TAS2R8: variants seen among roughly 807,000 people sequenced by gnomAD.
TAS2R8 encodes taste receptor type 2 member 8.
For missense variants in TAS2R8, 396 were observed against 358.1 expected, an observed-to-expected ratio of 1.11 and a Z score of -0.85; for synonymous variants, 139 against 123.9, an observed-to-expected ratio of 1.12 and a Z score of -0.81.
rs1396549631 is a variant in TAS2R8 at position 10,806,168 on chromosome 12, C to A, written c.813G>T (p.Glu271Asp). 6.2e-7 allele frequency: 1 copy of A among 1,613,460 alleles called. No homozygotes were observed. The highest frequency in any genetic ancestry group is 1.7e-5 in the Admixed American group (1 of 59,898). ...CCAAGGGGTAGAGAATTGCTGCAAT[C>A]TCTCCAAACTCCACAGCTAACTTGT... is the stretch of plus-strand genomic sequence containing the variant. The part of the protein sequence containing the change: ...TKYKLAVEFG[E>D]IAAILYPLGH... Residue 271 changes from glutamate (E) to aspartate (D), a missense_variant, in exon 1 of 1, where the codon GAG becomes GAT. Transcript: ENST00000240615.
chr12:10,806,847 T>G lies in TAS2R8; in HGVS notation c.134A>C (p.Asp45Ala). 6.2e-7 allele frequency: 1 copy of G among 1,613,816 alleles called. No individual in the cohort carries two copies. Reference protein sequence around the residue: ...WIKKKKISTVDYILTNLVIAR... With the variant: ...WIKKKKISTVAYILTNLVIAR... ...GATAACTAAATTGGTAAGGATGTAGTCAACTGTGGAAATCTTTTTCTTCTT... is the reference window on the plus strand; with the variant it reads ...GATAACTAAATTGGTAAGGATGTAGGCAACTGTGGAAATCTTTTTCTTCTT... The change falls in exon 1 of 1, where the codon GAC becomes GCC. Residue 45 changes from aspartate (D) to alanine (A), a missense_variant. Physicochemically the swap from Asp to Ala is moderately radical, Grantham distance 126 (BLOSUM62 -2). Transcript: ENST00000240615.
chr12:10,806,384 T>G lies in TAS2R8; in HGVS notation c.597A>C (p.Ile199=). 6.2e-7 allele frequency: 1 copy of G among 1,613,872 alleles called. No homozygotes were observed. The highest frequency in any genetic ancestry group is 8.5e-7 in the Non-Finnish European group (1 of 1,179,908). Residue 199 remains isoleucine (I), a synonymous_variant, in exon 1 of 1, where the codon ATA becomes ATC. Transcript: ENST00000240615. ...FAIVPFIVSL[I]SFFLLVRSLW... is the part of the protein sequence containing the mutation. ...AAGATCTTACTAAAAGGAAAAATGA[T>G]ATCAGTGACACAATAAATGGGACAA...
chr12:10,806,396 A>T lies in TAS2R8; in HGVS notation c.585T>A (p.Ile195=), dbSNP rs756196551. The change falls in exon 1 of 1, where the codon ATT becomes ATA. Residue 195 remains isoleucine, a synonymous_variant. Transcript: ENST00000240615. ...LFNLFAIVPF[I]VSLISFFLLV... ...AAAGGAAAAATGATATCAGTGACAC[A>T]ATAAATGGGACAATTGCAAACAGGT... is the stretch of plus-strand genomic sequence containing the variant. 3.1e-6 allele frequency: 5 copies of T among 1,613,910 alleles called. No homozygotes were observed. The highest frequency in any genetic ancestry group is 3.4e-6 in the Non-Finnish European group (4 of 1,179,918).
rs1948732281 is a variant in TAS2R8, at chr12:10,807,092, T to C, written c.-112A>G. The C allele has an allele frequency of 1.1e-6, 1 of 879,998 alleles. No individual in the cohort carries two copies. The allele number at this position is 879,998 out of a possible 1,614,324, so 54.5% of individuals were successfully genotyped here. A position where few individuals can be genotyped will look rare whatever the true frequency, so the allele number is the denominator to read the frequency against. On this transcript the variant is annotated 5_prime_UTR_variant, in exon 1 of 1. An upstream start codon of the reference 5' UTR is lost. Coordinates refer to ENST00000240615, the MANE Select transcript of TAS2R8 (RefSeq NM_023918.3). The stretch of plus-strand genomic sequence containing the variant: ...TTCGAATCATGCAATAATGTTTTCA[T>C]CTGCTGTTATTTCGACGTTGTTATT...
chr12:10,807,134 G>A lies in TAS2R8; in HGVS notation c.-154C>T, dbSNP rs757214440. On this transcript the variant is annotated 5_prime_UTR_variant, in exon 1 of 1. Coordinates refer to ENST00000240615, the MANE Select transcript of TAS2R8 (RefSeq NM_023918.3). ...GTTGTTATTCTTCCGGAAGTGTTCA[G>A]CTCTCCTCTGAAATAGGATTGTCTC... 3 of 652,298 alleles carry A rather than the reference G, an allele frequency of 4.6e-6. No individual in the cohort carries two copies. The highest frequency in any genetic ancestry group is 3.7e-5 in the African/African-American group (2 of 54,556). 40.4% of individuals were successfully genotyped at this position (652,298 alleles called of 1,614,324 possible).
At position 10,806,444 on chromosome 12, in the gene TAS2R8, G is replaced by A. The variant is rs773833700; in HGVS notation, c.537C>T (p.Tyr179=). 3 of 1,613,638 alleles carry A rather than the reference G, an allele frequency of 1.9e-6. No homozygotes were observed. In the East Asian group the frequency reaches 6.7e-5, roughly 36 times the overall value. ...TEMFHVSKIP[Y]FEPLTLFNLF... is the part of the protein sequence containing the mutation. Reference sequence around the variant, plus strand: ...GGTTAAAGAGAGTCAAGGGTTCAAAGTATGGTATTTTACTCACATGGAACA... The same window carrying A: ...GGTTAAAGAGAGTCAAGGGTTCAAAATATGGTATTTTACTCACATGGAACA... The change falls in exon 1 of 1, where the codon TAC becomes TAT. Residue 179 remains tyrosine (Y), a synonymous_variant. Transcript: ENST00000240615.
chr12:10,806,981 G>A lies in TAS2R8; in HGVS notation c.-1C>T, dbSNP rs754773993. On this transcript the variant is annotated 5_prime_UTR_variant, in exon 1 of 1. Coordinates refer to ENST00000240615, the MANE Select transcript of TAS2R8 (RefSeq NM_023918.3). ...AGATGTTATCTGCAGGACTGAACATGTTTGTAGAGAGAACAATCTGATTTC... is the reference window on the plus strand; with the variant it reads ...AGATGTTATCTGCAGGACTGAACATATTTGTAGAGAGAACAATCTGATTTC... The A allele has an allele frequency of 1.1e-5, 18 of 1,585,196 alleles. No homozygotes were observed. The highest frequency in any genetic ancestry group is 1.4e-5 in the Non-Finnish European group (16 of 1,167,750).
chr12:10,806,150 G>T, the TAS2R8 span: 1 of 1,613,438 alleles, frequency 6.2e-7, no homozygotes, highest in Non-Finnish European at 8.5e-7. Flanking sequence ...GACCCAAGGG[G>T]TAGAGAATTG....
rs1478049214 is a variant in TAS2R8 at position 10,806,620 on chromosome 12, A to G, written c.361T>C (p.Trp121Arg). The G allele has an allele frequency of 1.2e-6, 2 of 1,613,802 alleles. No individual in the cohort carries two copies. The highest frequency in any genetic ancestry group is 1.7e-6 in the Non-Finnish European group (2 of 1,179,910). ...IASSSHPLFL[W>R]LKWKIDMVVH... ...ACCATATCAATTTTCCACTTCAGCC[A>G]GAGAAAAAGTGGATGAGAGGAACTG... The change falls in exon 1 of 1, where the codon TGG becomes CGG. Residue 121 changes from tryptophan (W) to arginine (R), a missense_variant. Physicochemically the swap from Trp to Arg is moderately radical, Grantham distance 101. Transcript: ENST00000240615.
Position 10,806,292 on chromosome 12 carries a change from T to A in TAS2R8, c.689A>T (p.His230Leu). The change falls in exon 1 of 1, where the codon CAT (histidine) becomes CTT (leucine). Residue 230 changes from histidine to leucine, a missense_variant. Transcript: ENST00000240615. ...AGTCATAGTTTTAATGGCTCTCACA[T>A]GAACTTCTGTGCTGGGGTCTCTACT... ...TGSRDPSTEV[H>L]VRAIKTMTSF... 1.2e-6 allele frequency: 2 copies of A among 1,613,742 alleles called. No homozygotes were observed. The highest frequency in any genetic ancestry group is 1.1e-5 in the South Asian group (1 of 91,068).
rs1000073345 is a variant in TAS2R8 at position 10,807,127 on chromosome 12, G to A, written c.-147C>T. 1 of 691,522 alleles carries A rather than the reference G, an allele frequency of 1.4e-6. No individual in the cohort carries two copies. The highest frequency in any genetic ancestry group is 1.8e-5 in the African/African-American group (1 of 55,372). The allele number at this position is 691,522 out of a possible 1,614,324, so 42.8% of individuals were successfully genotyped here. On this transcript the variant is annotated 5_prime_UTR_variant, in exon 1 of 1. Coordinates refer to ENST00000240615, the MANE Select transcript of TAS2R8 (RefSeq NM_023918.3). Reference sequence around the variant, plus strand: ...TTTCGACGTTGTTATTCTTCCGGAAGTGTTCAGCTCTCCTCTGAAATAGGA... The same window carrying A: ...TTTCGACGTTGTTATTCTTCCGGAAATGTTCAGCTCTCCTCTGAAATAGGA...
Position 10,806,176 on chromosome 12 carries a change from A to C in TAS2R8, c.805T>G (p.Phe269Val), listed in dbSNP as rs1376835900. 2 of 1,613,448 alleles carry C rather than the reference A, an allele frequency of 1.2e-6. No individual in the cohort carries two copies. Among genetic ancestry groups the C allele is most frequent in the East Asian group, 4.5e-5 (2 of 44,858 alleles). Residue 269 changes from phenylalanine (F) to valine (V), a missense_variant, in exon 1 of 1, where the codon TTT becomes GTT. Phe to Val is a conservative substitution (Grantham distance 50, BLOSUM62 -1). Transcript: ENST00000240615. ...LMTKYKLAVE[F>V]GEIAAILYPL... ...TAGAGAATTGCTGCAATCTCTCCAA[A>C]CTCCACAGCTAACTTGTATTTTGTC...
In TAS2R8 at chr12:10,806,835, G is replaced by T; in HGVS notation, c.146C>A (p.Thr49Asn). The change falls in exon 1 of 1, where the codon ACC becomes AAC. Residue 49 changes from threonine (T) to asparagine (N), a missense_variant. Physicochemically the swap from Thr to Asn is moderately conservative, Grantham distance 65. Transcript: ENST00000240615. ...KKISTVDYIL[T>N]NLVIARICLI... ...ACAAATTCTGGCGATAACTAAATTGGTAAGGATGTAGTCAACTGTGGAAAT... is the reference window on the plus strand; with the variant it reads ...ACAAATTCTGGCGATAACTAAATTGTTAAGGATGTAGTCAACTGTGGAAAT... 1.2e-6 allele frequency: 2 copies of T among 1,613,798 alleles called. No individual in the cohort carries two copies. The highest frequency in any genetic ancestry group is 1.7e-6 in the Non-Finnish European group (2 of 1,179,874).
chr12:10,806,104 T>G lies in TAS2R8; in HGVS notation c.877A>C (p.Arg293=), dbSNP rs1408812834. ...GTCAGCATTCTGACAAATGTCTGCCTCAGTTTATTATTTAAAACAATTAAA... is the reference window on the plus strand; with the variant it reads ...GTCAGCATTCTGACAAATGTCTGCCGCAGTTTATTATTTAAAACAATTAAA... The part of the protein sequence containing the change: ...LILIVLNNKL[R]QTFVRMLTCR... Residue 293 remains arginine, a synonymous_variant, in exon 1 of 1, where the codon AGG becomes CGG. Transcript: ENST00000240615. 6.2e-7 allele frequency: 1 copy of G among 1,609,816 alleles called. No homozygotes were observed. The highest frequency in any genetic ancestry group is 1.3e-5 in the African/African-American group (1 of 74,836).
At position 10,807,031 on chromosome 12, in the gene TAS2R8, T is replaced by C; in HGVS notation, c.-51A>G. The C allele has an allele frequency of 1.4e-6, 2 of 1,397,726 alleles. No homozygotes were observed. The highest frequency in any genetic ancestry group is 1.9e-6 in the Non-Finnish European group (2 of 1,026,300). 86.6% of individuals were successfully genotyped at this position (1,397,726 alleles called of 1,614,324 possible). On this transcript the variant is annotated 5_prime_UTR_variant, in exon 1 of 1. Transcript: ENST00000240615. ...CAAATATCACTGTAGATGAGCTAATTTACAGGTGACCTGTTAAAGCATGAT... is the reference window on the plus strand; with the variant it reads ...CAAATATCACTGTAGATGAGCTAATCTACAGGTGACCTGTTAAAGCATGAT...
rs759459501 is a variant in TAS2R8 at position 10,806,643 on chromosome 12, C to T, written c.338G>A (p.Ser113Asn). The T allele has an allele frequency of 3.7e-6, 6 of 1,613,808 alleles. No homozygotes were observed. The East Asian group carries it at 1.1e-4, about 30-fold the overall frequency. ...LNVFYFLKIASSSHPLFLWLK... is the reference protein window; with the variant it reads ...LNVFYFLKIANSSHPLFLWLK... ...CCAGAGAAAAAGTGGATGAGAGGAA[C>T]TGGCTATCTTCAGAAAATAGAAGAC... The change falls in exon 1 of 1, where the codon AGT becomes AAT. Residue 113 changes from serine (S) to asparagine (N), a missense_variant. By Grantham distance (46) the Ser-to-Asn change is conservative. Coordinates refer to ENST00000240615, the MANE Select transcript of TAS2R8 (RefSeq NM_023918.3).
rs1413122009 is a variant in TAS2R8, at chr12:10,806,678, G to A, written c.303C>T (p.Thr101=). 2 of 1,613,928 alleles carry A rather than the reference G, an allele frequency of 1.2e-6. No individual in the cohort carries two copies. Among genetic ancestry groups the A allele is most frequent in the Non-Finnish European group, 1.7e-6 (2 of 1,179,904 alleles). ...TCAGAAAATAGAAGACATTAAGGCA[G>A]GTGGTAATCCACATATTTAAGTAGT... ...FANYLNMWIT[T]CLNVFYFLKI... is the part of the protein sequence containing the mutation. The change falls in exon 1 of 1, where the codon ACC becomes ACT. Residue 101 remains threonine, a synonymous_variant. Coordinates refer to ENST00000240615, the MANE Select transcript of TAS2R8 (RefSeq NM_023918.3).
the TAS2R8 span, chr12:10,806,773 C>CTATT: frequency 6.2e-7 from 1 of 1,613,876 alleles, no homozygotes; most frequent in Admixed American, 1.7e-5. Context: ...GGGTTCAGTA[C>CTATT]TATTACAATG....
chr12:10,806,865 T>G lies in TAS2R8; in HGVS notation c.116A>C (p.Lys39Thr), dbSNP rs1048683335. Reference sequence around the variant, plus strand: ...GATGTAGTCAACTGTGGAAATCTTTTTCTTCTTAATCCAGTCAATCCAGTT... The same window carrying G: ...GATGTAGTCAACTGTGGAAATCTTTGTCTTCTTAATCCAGTCAATCCAGTT... ...LVNWIDWIKK[K>T]KISTVDYILT... Residue 39 changes from lysine (K) to threonine (T), a missense_variant, in exon 1 of 1, where the codon AAA becomes ACA. By Grantham distance (78) the Lys-to-Thr change is moderately conservative. Transcript: ENST00000240615. The G allele has an allele frequency of 5.6e-6, 9 of 1,613,526 alleles. No individual in the cohort carries two copies. In the Admixed American group the frequency reaches 1.0e-4, roughly 18 times the overall value.
Sources: allele counts gnomAD v4.1 joint callset, GRCh38; gene constraint gnomAD v4.1.1; transcripts MANE v1.5; gene names NCBI Gene and HGNC (gene_info 2026-07-23, HGNC 2026-07-21).